Variants in TAAR1 observed in about 807,000 individuals in gnomAD.
TAAR1 encodes trace amine-associated receptor 1.
Under a neutral mutation model 1.2 loss-of-function variants are expected in TAAR1, and 1 was observed. The observed-to-expected ratio is 0.81, with a 90% CI of 0.29 to 3.86. The LOEUF (loss-of-function observed/expected upper bound fraction) is 3.86. Ranked by LOEUF, TAAR1 falls within the 30% of genes most tolerant of loss-of-function variation. TAAR1 has a pLI of 0.18. For synonymous variants in TAAR1, 153 were observed against 132.2 expected, an observed-to-expected ratio of 1.16 and a Z score of -1.08; for missense variants, 445 against 405.6, an observed-to-expected ratio of 1.10 and a Z score of -0.83.
Position 132,645,055 on chromosome 6 carries a change from T to C in TAAR1, c.949A>G (p.Met317Val). Residue 317 changes from methionine (M) to valine (V), a missense_variant, in exon 2 of 2, where the codon ATG (methionine) becomes GTG (valine). By Grantham distance (21) the Met-to-Val change is conservative. Transcript: ENST00000275216. ...FYPWFRKALKMMLFGKIFQKD... is the reference protein window; with the variant it reads ...FYPWFRKALKVMLFGKIFQKD... The stretch of plus-strand genomic sequence containing the variant: ...TGGAAAATTTTACCAAACAGCATCA[T>C]CTTCAGTGCTTTTCTAAACCAAGGA... 6.2e-7 allele frequency: 1 copy of C among 1,601,518 alleles called. No homozygotes were observed. The highest frequency in any genetic ancestry group is 8.5e-7 in the Non-Finnish European group (1 of 1,176,790).
At chr6:132,647,633 AAAGAAAGAAAGAAAGAAAGAAAGAAAG>A (rs1777695487) in intron 1 of TAAR1, among the ~76,000 whole-genome samples, 1 of 106,874 alleles carries the variant, frequency 9.4e-6, no homozygotes, top group Non-Finnish European at 1.9e-5. Context: ...GGAAAGAAAG[AAAGAAAGAAAGAAAGAAAGAAAGAAAG>A]AAAGAAAGAA....
At position 132,652,491 on chromosome 6, in the gene TAAR1, G is replaced by A. The variant is rs545787716; in HGVS notation, c.-126-6362C>T. On this transcript the variant is annotated intron_variant, in intron 1 of 1. Coordinates refer to ENST00000275216, the MANE Select transcript of TAAR1 (RefSeq NM_138327.4). Reference sequence around the variant, plus strand: ...CTGGCTAATTTTTGTACTTTTAGTAGAGGCGGGGTTTCACCATGTTGGCCA... The same window carrying A: ...CTGGCTAATTTTTGTACTTTTAGTAAAGGCGGGGTTTCACCATGTTGGCCA... 4.0e-5 allele frequency among the ~76,000 whole-genome samples: 6 copies of A among 150,474 alleles called. No individual in the cohort carries two copies. In the South Asian group the frequency reaches 1.1e-3, roughly 27 times the overall value.
At chr6:132,656,005 C>T (rs184571926) in intron 1 of TAAR1, among the ~76,000 whole-genome samples, 52 of 152,022 alleles carry the variant, frequency 3.4e-4, no homozygotes, top group Non-Finnish European at 5.9e-4. Flanking sequence ...CAGGGGAAAT[C>T]GAACGCTTTG....
intron 1 of TAAR1, among the ~76,000 whole-genome samples, chr6:132,655,211 A>G (rs1777791375): frequency 6.6e-6 from 1 of 152,204 alleles, no homozygotes; most frequent in Non-Finnish European, 1.5e-5. Flanking sequence ...GAGTACAGAT[A>G]AACATTTGAA....
intron 1 of TAAR1, among the ~76,000 whole-genome samples, chr6:132,648,425 A>T (rs985233542): frequency 5.3e-5 from 8 of 152,236 alleles, no homozygotes; most frequent in African/African-American, 1.7e-4. Flanking sequence ...CTTTTAGAAG[A>T]GGAAATTCAC....
chr6:132,646,773 C>T (rs1777676939), intron 1 of TAAR1, among the ~76,000 whole-genome samples: 1 of 152,092 alleles, frequency 6.6e-6, no homozygotes, highest in Non-Finnish European at 1.5e-5. Flanking sequence ...GCTTCATTAA[C>T]CTCATTTTAC....
At position 132,645,829 on chromosome 6, in the gene TAAR1, T is replaced by G. The variant is rs761808117; in HGVS notation, c.175A>C (p.Asn59His). The G allele has an allele frequency of 6.2e-7, 1 of 1,613,836 alleles. No individual in the cohort carries two copies. The highest frequency in any genetic ancestry group is 1.3e-5 in the African/African-American group (1 of 75,010). Residue 59 changes from asparagine to histidine, a missense_variant, in exon 2 of 2, where the codon AAT becomes CAT. Asn to His is a moderately conservative substitution (Grantham distance 68). Coordinates refer to ENST00000275216, the MANE Select transcript of TAAR1 (RefSeq NM_138327.4). ...SHFKQLHTPT[N>H]WLIHSMATVD... ...GTGGCCATGGAATGAATGAGCCAAT[T>G]TGTTGGGGTATGAAGTTGTTTGAAG...
At chr6:132,647,630 A>AAGAAAG (rs1400155132) in intron 1 of TAAR1, among the ~76,000 whole-genome samples, 1 of 84,806 alleles carries the variant, frequency 1.2e-5, no homozygotes, top group Non-Finnish European at 2.3e-5. Flanking sequence ...AAAGGAAAGA[A>AAGAAAG]AGAAAGAAAG....
intron 1 of TAAR1, among the ~76,000 whole-genome samples, chr6:132,653,473 T>C (rs1267465136): frequency 1.3e-5 from 2 of 152,224 alleles, no homozygotes; most frequent in East Asian, 1.9e-4. Flanking sequence ...TGTTATTCTT[T>C]GTGTGTGTCT....
intron 1 of TAAR1, among the ~76,000 whole-genome samples, chr6:132,651,482 A>G (rs1475239700): frequency 6.6e-6 from 1 of 151,854 alleles, no homozygotes; most frequent in Non-Finnish European, 1.5e-5. Flanking sequence ...GAACATGACA[A>G]CTCTATTCTT....
chr6:132,648,390 G>A (rs1777711076), intron 1 of TAAR1, among the ~76,000 whole-genome samples: 2 of 151,872 alleles, frequency 1.3e-5, no homozygotes, highest in South Asian at 4.2e-4. Flanking sequence ...AGGGAAGGTG[G>A]AAATAAAGCA....
Position 132,643,697 on chromosome 6 carries a change from A to G in TAAR1, c.*1287T>C, listed in dbSNP as rs7764501. Among the ~76,000 whole-genome samples the G allele has an allele frequency of 0.54, 82,267 of 151,592 alleles. 24,006 individuals carry two copies. Among genetic ancestry groups the G allele is most frequent in the East Asian group, 0.86 (4,460 of 5,168 alleles). On this transcript the variant is annotated 3_prime_UTR_variant, in exon 2 of 2. Coordinates refer to ENST00000275216, the MANE Select transcript of TAAR1 (RefSeq NM_138327.4). Reference sequence around the variant, plus strand: ...GAGCAGAAGGTAAATCCAAATCCCCAGTGATACTCAATCTGAAACAGACCA... The same window carrying G: ...GAGCAGAAGGTAAATCCAAATCCCCGGTGATACTCAATCTGAAACAGACCA...
intron 1 of TAAR1, among the ~76,000 whole-genome samples, chr6:132,657,674 T>C (rs919921778): frequency 3.3e-5 from 5 of 151,956 alleles, no homozygotes; most frequent in Non-Finnish European, 1.5e-5. Flanking sequence ...AATGGAATAC[T>C]CCAATTCTCA....
At chr6:132,649,164 C>T (rs972909061) in intron 1 of TAAR1, among the ~76,000 whole-genome samples, 1 of 152,144 alleles carries the variant, frequency 6.6e-6, no homozygotes, top group African/African-American at 2.4e-5. Context: ...ACCAATTTCC[C>T]ATTGTGGTAT....
At chr6:132,658,917 T>C (rs1478352553) in intron 1 of TAAR1, among the ~76,000 whole-genome samples, 1 of 152,236 alleles carries the variant, frequency 6.6e-6, no homozygotes, top group African/African-American at 2.4e-5. Flanking sequence ...ACCATTCTTT[T>C]AGCTTCTCTT....
intron 1 of TAAR1, among the ~76,000 whole-genome samples, chr6:132,646,714 T>C (rs1481223357): frequency 1.3e-5 from 2 of 152,164 alleles, no homozygotes; most frequent in African/African-American, 4.8e-5. Flanking sequence ...TACAGTTTTA[T>C]TTGACATTTA....
intron 1 of TAAR1, among the ~76,000 whole-genome samples, chr6:132,650,530 A>G (rs1277222836): frequency 6.6e-6 from 1 of 152,218 alleles, no homozygotes; most frequent in East Asian, 1.9e-4. Flanking sequence ...CCTCTCTGAG[A>G]TGACTATTTC....
At position 132,648,963 on chromosome 6, in the gene TAAR1, T is replaced by C. The variant is rs144829724; in HGVS notation, c.-126-2834A>G. On this transcript the variant is annotated intron_variant, in intron 1 of 1. Transcript: ENST00000275216. ...AAATGACATATGAATTAAAAATATG[T>C]TGATAGAACTTATAGTTTAAAATAG... 2.1e-3 allele frequency among the ~76,000 whole-genome samples: 317 copies of C among 152,314 alleles called. 2 individuals are homozygous for C. Among genetic ancestry groups the C allele is most frequent in the African/African-American group, 7.5e-3 (311 of 41,574 alleles).
At chr6:132,656,779 A>G (rs1777808343) in intron 1 of TAAR1, among the ~76,000 whole-genome samples, 1 of 152,222 alleles carries the variant, frequency 6.6e-6, no homozygotes, top group South Asian at 2.1e-4. Flanking sequence ...TGGAAGCCAG[A>G]AGGCAATAGA....
Sources: gnomAD v4.1 joint callset for allele counts (sites outside exome capture counted in the v4.1 genomes callset) on GRCh38, gnomAD v4.1.1 for gene constraint, MANE v1.5 for transcripts, NCBI Gene and HGNC (gene_info 2026-07-23, HGNC 2026-07-21) for gene names.